Variants in TFAP2D observed in about 807,000 individuals in gnomAD.
TFAP2D encodes the protein transcription factor AP-2-delta.
Under a neutral mutation model 43.6 loss-of-function variants are expected in TFAP2D, and 9 were observed. The ratio of observed to expected loss-of-function variants is 0.21; its 90% CI spans 0.12 to 0.36. TFAP2D has a LOEUF of 0.36. Among genes scored for constraint, TFAP2D ranks in the 10% least tolerant of loss-of-function variants. The probability of loss-of-function intolerance (pLI) is 1.00; values close to 1 mark genes in which losing one functional copy is unlikely to be tolerated. For synonymous variants in TFAP2D, 256 were observed against 224.9 expected (o/e 1.14, Z -1.24); for missense variants, 513 against 561.4 (o/e 0.91, Z 0.87).
chr6:50,768,109 C>A (rs1220284234), intron 7 of TFAP2D, among the ~76,000 whole-genome samples: 1 of 152,072 alleles, frequency 6.6e-6, no homozygotes, highest in South Asian at 2.1e-4. Flanking sequence ...ACTTAAATAT[C>A]AAACCTGTAA....
In TFAP2D at chr6:50,715,214, A is replaced by G; in HGVS notation, c.138A>G (p.Leu46=). The G allele has an allele frequency of 6.2e-7, 1 of 1,612,994 alleles. No individual in the cohort carries two copies. Among genetic ancestry groups the G allele is most frequent in the Non-Finnish European group, 8.5e-7 (1 of 1,179,756 alleles). Residue 46 remains leucine, a synonymous_variant, in exon 2 of 8, where the codon TTA becomes TTG. Transcript: ENST00000008391. ...TCGCCTATTCCTCCTCCTCTCCTTT[A>G]ACTTACTCCACCACCGGCACCGAGT... is the stretch of plus-strand genomic sequence containing the variant. ...STVAYSSSSP[L]TYSTTGTEFA...
At chr6:50,736,004 T>C (rs1373011244) in intron 5 of TFAP2D, among the ~76,000 whole-genome samples, 1 of 152,052 alleles carries the variant, frequency 6.6e-6, no homozygotes, top group Admixed American at 6.6e-5. Context: ...TTCTCATTGC[T>C]CTTACACAGG....
chr6:50,762,338 T>A (rs1403885618), intron 7 of TFAP2D, among the ~76,000 whole-genome samples: 1 of 151,688 alleles, frequency 6.6e-6, no homozygotes, highest in African/African-American at 2.4e-5. Flanking sequence ...AGTCCACAGG[T>A]GCACACACAC....
rs1414471218 is a variant in TFAP2D, at chr6:50,716,725, T to G, written c.537+1112T>G. Among the ~76,000 whole-genome samples, 4 of 152,238 alleles carry G rather than the reference T, an allele frequency of 2.6e-5. No homozygotes were observed. The East Asian group carries it at 5.8e-4, about 22-fold the overall frequency. The stretch of plus-strand genomic sequence containing the variant: ...TTTTAGCTAAAAGTGCAGTTCTACC[T>G]GTGAGTTCCTACTTTTTGTGTCTGC... On this transcript the variant is annotated intron_variant, in intron 2 of 7. Transcript: ENST00000008391.
At position 50,732,226 on chromosome 6, in the gene TFAP2D, C is replaced by T. The variant is rs540285814; in HGVS notation, c.883+2914C>T. On this transcript the variant is annotated intron_variant, in intron 5 of 7. Transcript: ENST00000008391. ...TTCTATGGTCTTGTGGGAAAGAATA[C>T]GAATATTTCTTTCATCATTTTTAAA... 4.6e-5 allele frequency among the ~76,000 whole-genome samples: 7 copies of T among 152,118 alleles called. No individual in the cohort carries two copies. In the South Asian group the frequency reaches 6.2e-4, roughly 13 times the overall value.
chr6:50,719,477 G>T (rs1446345411), intron 3 of TFAP2D, among the ~76,000 whole-genome samples: 1 of 137,022 alleles, frequency 7.3e-6, no homozygotes, highest in Non-Finnish European at 1.7e-5. Context: ...AAGAAAGAAA[G>T]AAAGAAAGAA....
At chr6:50,729,408 C>G (rs1460968136) in intron 5 of TFAP2D, 96 bp downstream of exon 5, 8 of 1,001,654 alleles carry the variant, frequency 8.0e-6, no homozygotes, top group Non-Finnish European at 1.2e-5. Flanking sequence ...TTGTCTGTAC[C>G]ATTAAGCAAG....
At chr6:50,755,212 G>A (rs1182957518) in intron 7 of TFAP2D, among the ~76,000 whole-genome samples, 2 of 151,786 alleles carry the variant, frequency 1.3e-5, no homozygotes, top group Non-Finnish European at 2.9e-5. Context: ...TACATGATTG[G>A]CATTTCCAAT....
chr6:50,733,518 C>A (rs756539822), intron 5 of TFAP2D, among the ~76,000 whole-genome samples: 7 of 152,180 alleles, frequency 4.6e-5, no homozygotes, highest in East Asian at 1.9e-4. Flanking sequence ...GGAAATAATT[C>A]TCTTCTAGAG....
intron 3 of TFAP2D, among the ~76,000 whole-genome samples, chr6:50,721,891 T>C (rs1209169810): frequency 6.6e-6 from 1 of 152,186 alleles, no homozygotes; most frequent in Non-Finnish European, 1.5e-5. Context: ...AGACCCCAAA[T>C]GATGTTCTTG....
intron 3 of TFAP2D, among the ~76,000 whole-genome samples, chr6:50,723,605 G>A (rs1768763828): frequency 6.6e-6 from 1 of 152,156 alleles, no homozygotes; most frequent in Non-Finnish European, 1.5e-5. Flanking sequence ...TGCAGATTCT[G>A]CAGGTTTGAA....
intron 1 of TFAP2D, 111 bp downstream of exon 1, chr6:50,714,205 T>C (rs2114024942): frequency 8.8e-7 from 1 of 1,132,750 alleles, no homozygotes; most frequent in Non-Finnish European, 1.3e-6. Flanking sequence ...TAATCTATAT[T>C]GGACCGTTAC....
chr6:50,761,062 C>T (rs573027224), intron 7 of TFAP2D, among the ~76,000 whole-genome samples: 1 of 151,612 alleles, frequency 6.6e-6, no homozygotes, highest in South Asian at 2.1e-4. Flanking sequence ...CCATTTAAAT[C>T]TTACTGTTTG....
At chr6:50,739,071 A>G (rs147527992) in intron 5 of TFAP2D, among the ~76,000 whole-genome samples, 102 of 152,242 alleles carry the variant, frequency 6.7e-4, no homozygotes, top group Middle Eastern at 3.4e-3. Context: ...ACGGGGTGAA[A>G]CACTTTTTTT....
chr6:50,729,795 A>G (rs1768859943), intron 5 of TFAP2D, among the ~76,000 whole-genome samples: 2 of 152,186 alleles, frequency 1.3e-5, no homozygotes, highest in Admixed American at 6.5e-5. Flanking sequence ...GACATGGTGA[A>G]CTTTCAAGGC....
intron 6 of TFAP2D, among the ~76,000 whole-genome samples, chr6:50,748,169 T>C (rs1345052405): frequency 6.6e-6 from 1 of 152,018 alleles, no homozygotes; most frequent in African/African-American, 2.4e-5. Flanking sequence ...GTAATCACTA[T>C]AACTAGATAA....
At chr6:50,761,788 C>T (rs1196745912) in intron 7 of TFAP2D, among the ~76,000 whole-genome samples, 2 of 151,980 alleles carry the variant, frequency 1.3e-5, no homozygotes, top group Non-Finnish European at 2.9e-5. Context: ...ACTATACTTA[C>T]TTAGATTAGA....
intron 3 of TFAP2D, among the ~76,000 whole-genome samples, chr6:50,721,908 T>TA (rs1398171441): frequency 6.6e-6 from 1 of 152,090 alleles, no homozygotes; most frequent in African/African-American, 2.4e-5. Flanking sequence ...CTTGAAGAAA[T>TA]ATGGGTGACT....
intron 5 of TFAP2D, among the ~76,000 whole-genome samples, chr6:50,734,638 C>A (rs904649888): frequency 6.6e-6 from 1 of 152,026 alleles, no homozygotes; most frequent in Admixed American, 6.6e-5. Context: ...GCTTCTTATC[C>A]ACTCTAGCCA....
Sources: allele counts gnomAD v4.1 joint callset (sites outside exome capture counted in the v4.1 genomes callset), GRCh38; gene constraint gnomAD v4.1.1; transcripts MANE v1.5; gene names NCBI Gene and HGNC (gene_info 2026-07-23, HGNC 2026-07-21).